Variants in SHOC2 observed in about 807,000 individuals in gnomAD.
SHOC2 encodes SHOC2 leucine rich repeat scaffold protein, also known as leucine-rich repeat protein SHOC-2.
Under a neutral mutation model 50.2 loss-of-function variants are expected in SHOC2, and 4 were observed. The ratio of observed to expected loss-of-function variants is 0.08; its 90% CI spans 0.04 to 0.18. The LOEUF is 0.18. SHOC2 is among the 10% of genes least tolerant of loss of function. The pLI, the probability that SHOC2 is intolerant of heterozygous loss-of-function variation, is 1.00. For missense variants in SHOC2, 388 were observed against 669.6 expected (o/e 0.58, Z 4.64); for synonymous variants, 218 against 244.5 (o/e 0.89, Z 1.01).
At chr10:110,999,594 G>A (rs1000579177) in intron 3 of SHOC2, among the ~76,000 whole-genome samples, 3 of 151,844 alleles carry the variant, frequency 2.0e-5, no homozygotes, top group African/African-American at 7.3e-5. Context: ...AAAATTAGCT[G>A]GGTATGGTGG....
intron 1 of SHOC2, among the ~76,000 whole-genome samples, chr10:110,920,489 C>T (rs1227660993): frequency 2.0e-5 from 3 of 152,194 alleles, no homozygotes; most frequent in Non-Finnish European, 4.4e-5. Context: ...AGAGTAATGA[C>T]TCCAAAGCAT....
chr10:110,973,801 A>G (rs535907844), intron 2 of SHOC2, among the ~76,000 whole-genome samples: 3 of 151,708 alleles, frequency 2.0e-5, no homozygotes, highest in South Asian at 4.2e-4. Context: ...GCGTTTGTCT[A>G]TTTTGTACAG....
intron 5 of SHOC2, among the ~76,000 whole-genome samples, chr10:111,006,215 A>G (rs1439830293): frequency 6.6e-6 from 1 of 152,270 alleles, no homozygotes; most frequent in Non-Finnish European, 1.5e-5. Flanking sequence ...TTAGGCATAG[A>G]TAGGTACTAA....
At chr10:110,920,463 CCCAT>C (rs1336633168) in intron 1 of SHOC2, among the ~76,000 whole-genome samples, 2 of 152,206 alleles carry the variant, frequency 1.3e-5, no homozygotes, top group African/African-American at 4.8e-5. Context: ...TCCCCCTCCC[CCCAT>C]GCCTAGGTGG....
At chr10:110,981,779 G>A (rs545824241) in intron 2 of SHOC2, among the ~76,000 whole-genome samples, 1 of 151,408 alleles carries the variant, frequency 6.6e-6, no homozygotes, top group African/African-American at 2.4e-5. Context: ...TGCATATCTG[G>A]AATTAATCCT....
chr10:111,010,547 G>T (rs1031817261), intron 8 of SHOC2, among the ~76,000 whole-genome samples: 7 of 152,108 alleles, frequency 4.6e-5, no homozygotes, highest in African/African-American at 1.4e-4. Flanking sequence ...TAGCGGGAGG[G>T]GGGAAGGATA....
chr10:110,920,602 G>A (rs1846618316), intron 1 of SHOC2, among the ~76,000 whole-genome samples: 1 of 152,188 alleles, frequency 6.6e-6, no homozygotes, highest in African/African-American at 2.4e-5. Context: ...TTTACAAACA[G>A]GTGGAATAAA....
intron 1 of SHOC2, among the ~76,000 whole-genome samples, chr10:110,938,908 T>TA (rs1377196887): frequency 3.9e-5 from 6 of 152,366 alleles, no homozygotes; most frequent in Non-Finnish European, 7.3e-5. Context: ...TCAGAACATT[T>TA]AACTGTGGTA....
At position 111,007,513 on chromosome 10, in the gene SHOC2, T is replaced by G. The variant is rs1848492988; in HGVS notation, c.1162-18T>G. 3 of 1,613,358 alleles carry G rather than the reference T, an allele frequency of 1.9e-6. No homozygotes were observed. The highest frequency in any genetic ancestry group is 8.5e-7 in the Non-Finnish European group (1 of 1,179,482). On this transcript the variant is annotated intron_variant, in intron 5 of 8. Coordinates refer to ENST00000369452, the MANE Select transcript of SHOC2 (RefSeq NM_007373.4). ...TTTTTGTGATTCTACCTTGGATGCTTCTTTTTGTCTTTGCCAGGACAATCA... is the reference window on the plus strand; with the variant it reads ...TTTTTGTGATTCTACCTTGGATGCTGCTTTTTGTCTTTGCCAGGACAATCA...
At chr10:110,980,626 A>G (rs148559773) in intron 2 of SHOC2, among the ~76,000 whole-genome samples, 79 of 152,184 alleles carry the variant, frequency 5.2e-4, no homozygotes, top group African/African-American at 1.9e-3. Context: ...CAGTACTCTG[A>G]TTATCATGGT....
At chr10:110,977,163 C>T (rs927661420) in intron 2 of SHOC2, among the ~76,000 whole-genome samples, 1 of 152,012 alleles carries the variant, frequency 6.6e-6, no homozygotes, top group Non-Finnish European at 1.5e-5. Context: ...CTGTCCTTGT[C>T]TTATAGTTTC....
chr10:111,010,996 A>G (rs1445729140), intron 8 of SHOC2, among the ~76,000 whole-genome samples: 1 of 152,222 alleles, frequency 6.6e-6, no homozygotes, highest in Non-Finnish European at 1.5e-5. Flanking sequence ...TAGTATATTT[A>G]TTCACCTGAT....
Position 110,935,915 on chromosome 10 carries a change from TG to T in SHOC2, c.-235+16260del, listed in dbSNP as rs202072162. On this transcript the variant is annotated intron_variant, in intron 1 of 8. Coordinates refer to ENST00000369452, the MANE Select transcript of SHOC2 (RefSeq NM_007373.4). ...CCATAGTTTTAGACCAATAGTTAAG[TG>T]GATTCAAATGCTCAAAGTTTGTTAT... 7.5e-3 allele frequency among the ~76,000 whole-genome samples: 1,137 copies of T among 152,286 alleles called. 19 individuals are homozygous for T. The highest frequency in any genetic ancestry group is 0.026 in the African/African-American group (1,060 of 41,554).
At chr10:110,952,263 G>A (rs762549036) in intron 1 of SHOC2, among the ~76,000 whole-genome samples, 4 of 152,028 alleles carry the variant, frequency 2.6e-5, no homozygotes, top group African/African-American at 7.2e-5. Flanking sequence ...CAGAGTTCCC[G>A]TATATTCCCT....
intron 1 of SHOC2, among the ~76,000 whole-genome samples, chr10:110,939,595 ATGTTAGATTAT>A (rs1437130342): frequency 1.3e-5 from 2 of 152,188 alleles, no homozygotes; most frequent in East Asian, 3.8e-4. Flanking sequence ...TGTTAGATTG[ATGTTAGATTAT>A]GACGTATGTC....
At chr10:110,940,869 G>T (rs1438971415) in intron 1 of SHOC2, among the ~76,000 whole-genome samples, 2 of 143,202 alleles carry the variant, frequency 1.4e-5, no homozygotes, top group Non-Finnish European at 3.0e-5. Context: ...ACACACATTT[G>T]TCTTTCTTGA....
rs994297757 is a variant in SHOC2, at chr10:110,924,227, CTTCT to C, written c.-235+4574_-235+4577del. On this transcript the variant is annotated intron_variant, in intron 1 of 8. Coordinates refer to ENST00000369452, the MANE Select transcript of SHOC2 (RefSeq NM_007373.4). ...GTGGATACAGAGATAAATATGTTTCCTTCTTTCAGTAAGTTCAGAGTTTGTTGCA... is the reference window on the plus strand; with the variant it reads ...GTGGATACAGAGATAAATATGTTTCCTTCAGTAAGTTCAGAGTTTGTTGCA... Among the ~76,000 whole-genome samples, 6 of 152,288 alleles carry C rather than the reference CTTCT, an allele frequency of 3.9e-5. No individual in the cohort carries two copies. The South Asian group carries it at 1.2e-3, about 32-fold the overall frequency.
At chr10:110,958,693 C>CGAA (rs1218457636) in intron 1 of SHOC2, among the ~76,000 whole-genome samples, 1 of 152,042 alleles carries the variant, frequency 6.6e-6, no homozygotes, top group Non-Finnish European at 1.5e-5. Flanking sequence ...AGACTAGAAT[C>CGAA]TAAGTATAAA....
chr10:110,947,559 A>T (rs796305383), intron 1 of SHOC2, among the ~76,000 whole-genome samples: 17 of 152,354 alleles, frequency 1.1e-4, no homozygotes, highest in African/African-American at 3.8e-4. Context: ...TTGTTGATAA[A>T]TATATAATCT....
Sources: gnomAD v4.1 joint callset for allele counts (sites outside exome capture counted in the v4.1 genomes callset) on GRCh38, gnomAD v4.1.1 for gene constraint, MANE v1.5 for transcripts, NCBI Gene and HGNC (gene_info 2026-07-23, HGNC 2026-07-21) for gene names.